Variants in NSD2 observed in about 807,000 individuals in gnomAD.
The protein encoded by NSD2 is nuclear receptor binding SET domain protein 2, also known as histone-lysine N-methyltransferase NSD2.
NSD2 carries 12 observed loss-of-function variants against 139.0 expected under a neutral mutation model. The ratio of observed to expected loss-of-function variants is 0.09; its 90% CI spans 0.06 to 0.14. The LOEUF is 0.14. NSD2 is among the 10% of genes least tolerant of loss of function. The pLI is 1.00. For synonymous variants in NSD2, 669 were observed against 648.7 expected (o/e 1.03, Z -0.48); for missense variants, 1,155 against 1,745.0 (o/e 0.66, Z 6.02).
Position 1,948,411 on chromosome 4 carries a change from G to T in NSD2, c.1882-2661G>T. ...CTTCTCCGAGTGAGTCACGTCACCTGGTGCGTGGAGGTGGAGCCTGCGGCT... is the reference window on the plus strand; with the variant it reads ...CTTCTCCGAGTGAGTCACGTCACCTTGTGCGTGGAGGTGGAGCCTGCGGCT... On this transcript the variant is annotated intron_variant, in intron 9 of 21. Transcript: ENST00000508803. This position sits in a 1 kb window ranked among gnomAD's most constrained non-coding sequence, Gnocchi z 4.5. 6.6e-6 allele frequency: 7 copies of T among 1,066,318 alleles called. No individual in the cohort carries two copies. Among genetic ancestry groups the T allele is most frequent in the Non-Finnish European group, 6.8e-6 (6 of 878,958 alleles). The allele number at this position is 1,066,318 out of a possible 1,614,324, so 66.1% of individuals were successfully genotyped here. A position where few individuals can be genotyped will look rare whatever the true frequency, so the allele number is the denominator to read the frequency against.
intron 18 of NSD2, among the ~76,000 whole-genome samples, chr4:1,970,235 A>C (rs963836519): frequency 6.6e-6 from 1 of 152,116 alleles, no homozygotes; most frequent in Admixed American, 6.5e-5. Context: ...ACAAAACAAA[A>C]AGCCTAAATT....
At chr4:1,969,106 C>G (rs1726173677) in intron 18 of NSD2, among the ~76,000 whole-genome samples, 1 of 152,168 alleles carries the variant, frequency 6.6e-6, no homozygotes, top group Non-Finnish European at 1.5e-5. Context: ...GCAGGCAGAG[C>G]CAGCACCTGG....
chr4:1,911,050 C>A (rs1718594497), intron 3 of NSD2, among the ~76,000 whole-genome samples: 2 of 152,046 alleles, frequency 1.3e-5, no homozygotes, highest in African/African-American at 4.8e-5. Flanking sequence ...TGGTGGGGTT[C>A]ATTTTGCATG....
intron 5 of NSD2, among the ~76,000 whole-genome samples, chr4:1,927,248 C>G (rs1721029875): frequency 6.6e-6 from 1 of 152,236 alleles, no homozygotes; most frequent in African/African-American, 2.4e-5. Context: ...CTTTTATGCC[C>G]TACACTTGGA....
chr4:1,938,416 CTTTTTTTTTTT>C (rs746279426), intron 7 of NSD2, 24 bp from the exon 8 acceptor site: 44 of 325,858 alleles, frequency 1.4e-4, no homozygotes, highest in Middle Eastern at 1.9e-3. Flanking sequence ...TTTTTTCTTT[CTTTTTTTTTTT>C]TTTTTTTTTT....
chr4:1,906,654 CT>C (rs537619996), intron 3 of NSD2, among the ~76,000 whole-genome samples: 248 of 99,954 alleles, frequency 2.5e-3, no homozygotes, highest in Middle Eastern at 0.019. Context: ...CTCTCTCTCT[CT>C]TTTTTTTTTT....
intron 3 of NSD2, among the ~76,000 whole-genome samples, chr4:1,911,529 A>G (rs1316979752): frequency 6.9e-6 from 1 of 144,912 alleles, no homozygotes. Context: ...CAGAGGTTGC[A>G]GTGACCCGAG....
At chr4:1,947,960 A>C in intron 9 of NSD2, 1 of 1,056,690 alleles carries the variant, frequency 9.5e-7, no homozygotes, top group African/African-American at 1.6e-5. Flanking sequence ...CTGAAGGGCC[A>C]CGTGCTTTTA....
Position 1,947,113 on chromosome 4 carries a change from T to C in NSD2, c.1882-3959T>C, listed in dbSNP as rs376670595. The stretch of plus-strand genomic sequence containing the variant: ...GGGCAGTTTTGTCATTGTCCTCAAG[T>C]CCTTCGCAGACAGTGCACAGCCTGC... On this transcript the variant is annotated intron_variant, in intron 9 of 21. Coordinates refer to ENST00000508803, the MANE Select transcript of NSD2 (RefSeq NM_001042424.3). 5.1e-5 allele frequency: 54 copies of C among 1,065,176 alleles called. 1 individual carries two copies. The highest frequency in any genetic ancestry group is 5.0e-4 in the East Asian group (10 of 20,074). 66.0% of individuals were successfully genotyped at this position (1,065,176 alleles called of 1,614,324 possible).
chr4:1,913,412 G>A (rs1413513218), intron 3 of NSD2, among the ~76,000 whole-genome samples: 5 of 152,208 alleles, frequency 3.3e-5, no homozygotes, highest in Non-Finnish European at 4.4e-5. Context: ...AAGCCCACCC[G>A]CAGCCATCCA....
intron 9 of NSD2, chr4:1,943,365 T>C: frequency 9.6e-7 from 1 of 1,043,440 alleles, no homozygotes; most frequent in South Asian, 4.6e-5. Context: ...ATGCTTAGGG[T>C]GCCTGGCCAG....
rs756166955 is a variant in NSD2 at position 1,979,616 on chromosome 4, G to A, written c.*707G>A. The stretch of plus-strand genomic sequence containing the variant: ...TCCACTTTCAACGTGTAGTTTACGC[G>A]GAGCACTTTCGAGGCCTGGCCGGGT... On this transcript the variant is annotated 3_prime_UTR_variant, in exon 22 of 22. Coordinates refer to ENST00000508803, the MANE Select transcript of NSD2 (RefSeq NM_001042424.3). 1.2e-4 allele frequency: 29 copies of A among 232,544 alleles called. No individual in the cohort carries two copies. The highest frequency in any genetic ancestry group is 2.3e-4 in the Non-Finnish European group (27 of 117,674). 14.4% of individuals were successfully genotyped at this position (232,544 alleles called of 1,614,324 possible).
intron 1 of NSD2, among the ~76,000 whole-genome samples, chr4:1,875,102 C>T (rs1714151474): frequency 1.3e-5 from 2 of 151,920 alleles, no homozygotes. Flanking sequence ...GTTAGGACTA[C>T]AGGCAGATGC....
chr4:1,946,515 C>T lies in NSD2; in HGVS notation c.1882-4557C>T, dbSNP rs531809676. 2.6e-5 allele frequency: 25 copies of T among 970,428 alleles called. No individual in the cohort carries two copies. In the East Asian group the frequency reaches 4.2e-4, roughly 16 times the overall value. 60.1% of individuals were successfully genotyped at this position (970,428 alleles called of 1,614,324 possible). A position where few individuals can be genotyped will look rare whatever the true frequency, so the allele number is the denominator to read the frequency against. ...TGAACTCCTGACCTCGTGATCCACC[C>T]GCCTCACCCTCCCAAAATGCTGGGA... On this transcript the variant is annotated intron_variant, in intron 9 of 21. Coordinates refer to ENST00000508803, the MANE Select transcript of NSD2 (RefSeq NM_001042424.3).
Position 1,942,626 on chromosome 4 carries a change from C to T in NSD2, c.1881+2848C>T. 1 of 1,249,510 alleles carries T rather than the reference C, an allele frequency of 8.0e-7. No homozygotes were observed. The highest frequency in any genetic ancestry group is 1.5e-5 in the African/African-American group (1 of 65,496). The allele number at this position is 1,249,510 out of a possible 1,614,324, so 77.4% of individuals were successfully genotyped here. A position where few individuals can be genotyped will look rare whatever the true frequency, so the allele number is the denominator to read the frequency against. On this transcript the variant is annotated intron_variant, in intron 9 of 21. Coordinates refer to ENST00000508803, the MANE Select transcript of NSD2 (RefSeq NM_001042424.3). This position sits in a 1 kb window ranked among gnomAD's most constrained non-coding sequence, Gnocchi z 4.0. ...ATTCATCTCATAATAGAAACACGTT[C>T]ATATTCCAGTGGTCAATGTAGATTT...
chr4:1,872,637 C>CGAGG (rs1375337847), intron 1 of NSD2, among the ~76,000 whole-genome samples: 5 of 81,746 alleles, frequency 6.1e-5, no homozygotes, highest in Non-Finnish European at 1.0e-4. Flanking sequence ...AGAGAGAGAG[C>CGAGG]GCGCAGACCC....
chr4:1,940,860 G>C (rs2108901808), intron 9 of NSD2: 2 of 1,057,568 alleles, frequency 1.9e-6, no homozygotes, highest in South Asian at 9.1e-5. Flanking sequence ...GGCAACCTGG[G>C]CGGGGCTCAT....
At chr4:1,914,982 G>C (rs960274320) in intron 3 of NSD2, among the ~76,000 whole-genome samples, 3 of 151,708 alleles carry the variant, frequency 2.0e-5, no homozygotes, top group African/African-American at 7.3e-5. Context: ...CTATTATTTG[G>C]GTATCAAACC....
chr4:1,905,332 C>A (rs1459267024), intron 3 of NSD2, among the ~76,000 whole-genome samples: 1 of 152,220 alleles, frequency 6.6e-6, no homozygotes, highest in East Asian at 1.9e-4. Flanking sequence ...GTTAGTGTCA[C>A]CCTGTGATCT....
Sources: allele counts gnomAD v4.1 joint callset (sites outside exome capture counted in the v4.1 genomes callset), GRCh38; gene constraint gnomAD v4.1.1; non-coding constraint Gnocchi (gnomAD v3.1); transcripts MANE v1.5; gene names NCBI Gene and HGNC (gene_info 2026-07-23, HGNC 2026-07-21).